ZDHHC14: variants seen among roughly 807,000 people sequenced by gnomAD.
ZDHHC14 encodes palmitoyltransferase ZDHHC14.
ZDHHC14 carries 16 observed loss-of-function variants against 47.7 expected under a neutral mutation model. That is an observed-to-expected ratio of 0.34 (90% CI 0.23 to 0.51). ZDHHC14 has a LOEUF of 0.51. ZDHHC14 is among the 20% of genes least tolerant of loss of function. The probability of loss-of-function intolerance (pLI) is 0.97; values close to 1 mark genes in which losing one functional copy is unlikely to be tolerated. For synonymous variants in ZDHHC14, 293 were observed against 278.9 expected (o/e 1.05, Z -0.50); for missense variants, 515 against 662.5 (o/e 0.78, Z 2.44).
intron 8 of ZDHHC14, among the ~76,000 whole-genome samples, chr6:157,671,758 T>C (rs1220554833): frequency 6.6e-6 from 1 of 152,216 alleles, no homozygotes; most frequent in Non-Finnish European, 1.5e-5. Flanking sequence ...CCACAGAGGC[T>C]TCGGGAATGG....
chr6:157,486,104 G>A (rs771211760), intron 1 of ZDHHC14, among the ~76,000 whole-genome samples: 1 of 152,226 alleles, frequency 6.6e-6, no homozygotes, highest in East Asian at 1.9e-4. Context: ...GTTCTATTCC[G>A]TGGTGTTTAT....
intron 1 of ZDHHC14, among the ~76,000 whole-genome samples, chr6:157,537,577 G>A (rs926669032): frequency 3.9e-5 from 6 of 152,204 alleles, no homozygotes; most frequent in African/African-American, 1.4e-4. Flanking sequence ...TCTTTATGAA[G>A]ACTAAGATGC....
chr6:157,552,007 T>G (rs1403260805), intron 2 of ZDHHC14, among the ~76,000 whole-genome samples: 1 of 152,152 alleles, frequency 6.6e-6, no homozygotes, highest in Non-Finnish European at 1.5e-5. Flanking sequence ...TTTGCTTGGT[T>G]GTGAAAATCT....
intron 2 of ZDHHC14, among the ~76,000 whole-genome samples, chr6:157,565,680 G>T (rs924289581): frequency 6.6e-6 from 1 of 151,972 alleles, no homozygotes; most frequent in Non-Finnish European, 1.5e-5. Flanking sequence ...TTAGCTGGGT[G>T]TGGTAATCCC....
At chr6:157,614,081 G>A (rs1562508788) in intron 3 of ZDHHC14, among the ~76,000 whole-genome samples, 1 of 152,124 alleles carries the variant, frequency 6.6e-6, no homozygotes, top group East Asian at 1.9e-4. Context: ...CTCTTGGCAA[G>A]CCCCCCCACC....
At chr6:157,489,094 G>C (rs934229435) in intron 1 of ZDHHC14, among the ~76,000 whole-genome samples, 1 of 152,212 alleles carries the variant, frequency 6.6e-6, no homozygotes, top group Non-Finnish European at 1.5e-5. Context: ...CTGGAATAAA[G>C]ATGTTTGCAA....
chr6:157,627,596 C>A (rs1389131329), intron 3 of ZDHHC14, among the ~76,000 whole-genome samples: 1 of 152,150 alleles, frequency 6.6e-6, no homozygotes, highest in African/African-American at 2.4e-5. Flanking sequence ...TGTGATGATG[C>A]CCATATCGGA....
intron 7 of ZDHHC14, among the ~76,000 whole-genome samples, chr6:157,651,930 A>G (rs773323254): frequency 5.3e-5 from 8 of 152,160 alleles, no homozygotes; most frequent in Non-Finnish European, 1.2e-4. Flanking sequence ...ACCTTCATCC[A>G]ACCCCAGGTC....
chr6:157,396,994 T>C lies in ZDHHC14; in HGVS notation c.245+14728T>C, dbSNP rs183805406. On this transcript the variant is annotated intron_variant, in intron 1 of 8. Transcript: ENST00000359775. ...TATTTCTATCTAAGTTCTCTGCCTC[T>C]TGGCTTCGGATGGTGAGACAAGAAT... 3.4e-3 allele frequency among the ~76,000 whole-genome samples: 517 copies of C among 152,344 alleles called. 5 individuals are homozygous for C. The highest frequency in any genetic ancestry group is 0.012 in the African/African-American group (489 of 41,584).
At position 157,667,258 on chromosome 6, in the gene ZDHHC14, G is replaced by A. The variant is rs576605456; in HGVS notation, c.1069-5466G>A. On this transcript the variant is annotated intron_variant, in intron 8 of 8. Coordinates refer to ENST00000359775, the MANE Select transcript of ZDHHC14 (RefSeq NM_024630.3). ...TTCCTTAGGATTATATAACTGGTTA[G>A]ATCAATTCAAACATAACCAACGGCT... Among the ~76,000 whole-genome samples the A allele has an allele frequency of 2.6e-5, 4 of 152,238 alleles. No individual in the cohort carries two copies. The South Asian group carries it at 6.2e-4, about 24-fold the overall frequency.
At position 157,512,699 on chromosome 6, in the gene ZDHHC14, G is replaced by GA. The variant is rs763808308; in HGVS notation, c.246-29879dup. ...TCTCCACAAAAAAGAAAGAAAGAAA[G>GA]AAAAAAAGACAGGGAGAGAAATGGG... On this transcript the variant is annotated intron_variant, in intron 1 of 8. Transcript: ENST00000359775. 3.3e-5 allele frequency among the ~76,000 whole-genome samples: 5 copies of GA among 151,916 alleles called. No individual in the cohort carries two copies. The East Asian group carries it at 7.7e-4, about 23-fold the overall frequency.
chr6:157,557,521 G>A (rs1047421686), intron 2 of ZDHHC14, among the ~76,000 whole-genome samples: 4 of 152,176 alleles, frequency 2.6e-5, no homozygotes, highest in African/African-American at 4.8e-5. Flanking sequence ...GAGGTGAGTC[G>A]TTGGTTAGAT....
chr6:157,651,015 A>G (rs73791282), intron 7 of ZDHHC14, among the ~76,000 whole-genome samples: 22,849 of 152,068 alleles, frequency 0.15, 1,895 homozygotes, highest in Admixed American at 0.23. Flanking sequence ...CTGCAGCCCC[A>G]GGTGGGCCCG....
intron 1 of ZDHHC14, among the ~76,000 whole-genome samples, chr6:157,431,464 G>GT (rs1402611459): frequency 6.6e-6 from 1 of 152,212 alleles, no homozygotes; most frequent in Non-Finnish European, 1.5e-5. Context: ...AACGCACTGT[G>GT]TTGGGAAAGA....
At chr6:157,602,176 C>G (rs375336748) in intron 3 of ZDHHC14, among the ~76,000 whole-genome samples, 1 of 144,356 alleles carries the variant, frequency 6.9e-6, no homozygotes, top group African/African-American at 2.6e-5. Flanking sequence ...GCACTCCAGC[C>G]TGGGGACAGA....
chr6:157,506,374 T>C (rs1311371762), intron 1 of ZDHHC14, among the ~76,000 whole-genome samples: 1 of 152,214 alleles, frequency 6.6e-6, no homozygotes, highest in Non-Finnish European at 1.5e-5. Context: ...AGATGCAATA[T>C]TCTGACTCTG....
intron 3 of ZDHHC14, among the ~76,000 whole-genome samples, chr6:157,604,452 G>A (rs1463335858): frequency 6.6e-6 from 1 of 152,166 alleles, no homozygotes; most frequent in Non-Finnish European, 1.5e-5. Flanking sequence ...GATACGGAGG[G>A]ATGACTGTGT....
intron 1 of ZDHHC14, among the ~76,000 whole-genome samples, chr6:157,533,176 A>G (rs1372298543): frequency 6.6e-6 from 1 of 152,146 alleles, no homozygotes; most frequent in African/African-American, 2.4e-5. Context: ...TAGTTATTGT[A>G]AGGTCAACTA....
intron 2 of ZDHHC14, among the ~76,000 whole-genome samples, chr6:157,557,527 T>A (rs35500702): frequency 6.6e-6 from 1 of 151,970 alleles, no homozygotes; most frequent in Non-Finnish European, 1.5e-5. Flanking sequence ...AGTCGTTGGT[T>A]AGATGTGTCC....
Sources: gnomAD v4.1 joint callset for allele counts (sites outside exome capture counted in the v4.1 genomes callset) on GRCh38, gnomAD v4.1.1 for gene constraint, MANE v1.5 for transcripts, NCBI Gene and HGNC (gene_info 2026-07-23, HGNC 2026-07-21) for gene names.